HLF: variants seen among roughly 807,000 people sequenced by gnomAD.
The protein encoded by HLF is HLF transcription factor, PAR bZIP family member.
Under a neutral mutation model 22.6 loss-of-function variants are expected in HLF, and 3 were observed. The observed-to-expected ratio is 0.13, with a 90% confidence interval of 0.06 to 0.34. The LOEUF is 0.34. Ranked by LOEUF, HLF falls within the 10% of genes least tolerant of loss-of-function variation. HLF has a pLI of 1.00. For synonymous variants in HLF, 151 were observed against 151.8 expected, an observed-to-expected ratio of 0.99 and a Z score of 0.04; for missense variants, 299 against 389.2, an observed-to-expected ratio of 0.77 and a Z score of 1.95.
intron 2 of HLF, 23 bp downstream of exon 2, chr17:55,268,109 C>CT: frequency 6.8e-7 from 1 of 1,477,908 alleles, no homozygotes; most frequent in Non-Finnish European, 9.1e-7. Flanking sequence ...AAGATTCTCC[C>CT]TTCAGAAAGG....
chr17:55,279,427 C>T (rs1047569388), intron 2 of HLF, among the ~76,000 whole-genome samples: 1 of 152,058 alleles, frequency 6.6e-6, no homozygotes, highest in Non-Finnish European at 1.5e-5. Flanking sequence ...ATATCTTTGT[C>T]TTCTTTATAA....
At position 55,267,794 on chromosome 17, in the gene HLF, G is replaced by A. The variant is rs1228110326; in HGVS notation, c.159G>A (p.Glu53=). Reference sequence around the variant, plus strand: ...ACAAGGAAAAGAAGCTGGATGATGAGAGTAACAGCCCGACGGTCCCCCAGT... The same window carrying A: ...ACAAGGAAAAGAAGCTGGATGATGAAAGTAACAGCCCGACGGTCCCCCAGT... The part of the protein sequence containing the change: ...DKDKEKKLDD[E]SNSPTVPQSA... The change falls in exon 2 of 4, where the codon GAG becomes GAA. Residue 53 remains glutamate (E), a synonymous_variant. Coordinates refer to ENST00000226067, the MANE Select transcript of HLF (RefSeq NM_002126.5). 1 of 1,603,966 alleles carries A rather than the reference G, an allele frequency of 6.2e-7. No individual in the cohort carries two copies. The highest frequency in any genetic ancestry group is 1.1e-5 in the South Asian group (1 of 90,852).
At chr17:55,265,982 G>A in intron 1 of HLF, 3 of 396,782 alleles carry the variant, frequency 7.6e-6, no homozygotes, top group Non-Finnish European at 1.1e-5. Flanking sequence ...GAAACCCTGG[G>A]GCCTGGTTCT....
Position 55,268,031 on chromosome 17 carries a change from A to T in HLF, c.396A>T (p.Ala132=), listed in dbSNP as rs780550360. The T allele has an allele frequency of 1.9e-6, 3 of 1,605,808 alleles. No homozygotes were observed. The South Asian group carries it at 3.3e-5, about 18-fold the overall frequency. The change falls in exon 2 of 4, where the codon GCA becomes GCT. Residue 132 remains alanine (A), a synonymous_variant. Transcript: ENST00000226067. ...SVMDLSSRAS[A]PLHPGIPSPN... ...TGGACCTCAGCAGCCGGGCCTCTGCACCCCTTCACCCTGGCATCCCATCTC... is the reference window on the plus strand; with the variant it reads ...TGGACCTCAGCAGCCGGGCCTCTGCTCCCCTTCACCCTGGCATCCCATCTC...
At chr17:55,300,977 C>T (rs1338988484) in intron 2 of HLF, among the ~76,000 whole-genome samples, 2 of 152,238 alleles carry the variant, frequency 1.3e-5, no homozygotes, top group African/African-American at 2.4e-5. Context: ...CTCAGTTCCC[C>T]GACTGGCCCA....
At chr17:55,312,689 G>C (rs373737059) in intron 2 of HLF, among the ~76,000 whole-genome samples, 6 of 152,182 alleles carry the variant, frequency 3.9e-5, no homozygotes, top group African/African-American at 1.4e-4. Flanking sequence ...ATCACCTCTG[G>C]AAAGACAGTG....
chr17:55,324,332 G>A lies in HLF; in HGVS notation c.*3453G>A, dbSNP rs1347283142. 1 of 228,958 alleles carries A rather than the reference G, an allele frequency of 4.4e-6. No homozygotes were observed. The highest frequency in any genetic ancestry group is 2.2e-5 in the African/African-American group (1 of 45,078). The allele number at this position is 228,958 out of a possible 1,614,324, so 14.2% of individuals were successfully genotyped here. On this transcript the variant is annotated 3_prime_UTR_variant, in exon 4 of 4. Transcript: ENST00000226067. The stretch of plus-strand genomic sequence containing the variant: ...TCCAAATGTACAATCAGATGTCTAG[G>A]GTCTGTTTTCGGAAGAAGCAAGAAT...
intron 2 of HLF, chr17:55,271,484 A>G (rs2080857406): frequency 6.6e-6 from 1 of 152,184 alleles, no homozygotes; most frequent in Non-Finnish European, 1.5e-5. Flanking sequence ...ATGTCTTGGA[A>G]TGACAAGGTG....
At chr17:55,285,290 A>G (rs181932544) in intron 2 of HLF, among the ~76,000 whole-genome samples, 1 of 152,228 alleles carries the variant, frequency 6.6e-6, no homozygotes, top group Admixed American at 6.5e-5. Flanking sequence ...GGTATATCCA[A>G]AGTCTTGAGA....
At chr17:55,291,995 T>C (rs1487171569) in intron 2 of HLF, among the ~76,000 whole-genome samples, 1 of 152,202 alleles carries the variant, frequency 6.6e-6, no homozygotes, top group Non-Finnish European at 1.5e-5. Context: ...TGTGACTGAA[T>C]TGCTGCAATC....
At chr17:55,308,869 G>A (rs781569965) in intron 2 of HLF, among the ~76,000 whole-genome samples, 6 of 152,136 alleles carry the variant, frequency 3.9e-5, no homozygotes, top group Admixed American at 6.6e-5. Context: ...GATCTTGGCC[G>A]GACTCACATA....
At chr17:55,265,642 C>A in intron 1 of HLF, 43 bp downstream of exon 1, 1 of 1,391,868 alleles carries the variant, frequency 7.2e-7, no homozygotes, top group Non-Finnish European at 9.9e-7. Context: ...GACGACGCTC[C>A]GGGGGTCCCC....
intron 2 of HLF, among the ~76,000 whole-genome samples, chr17:55,283,221 G>A (rs2145317994): frequency 6.6e-6 from 1 of 152,278 alleles, no homozygotes; most frequent in Non-Finnish European, 1.5e-5. Context: ...GGCCAGAGGG[G>A]GCCTTTGGCT....
chr17:55,324,109 A>G lies in HLF; in HGVS notation c.*3230A>G, dbSNP rs933508335. 11 of 227,008 alleles carry G rather than the reference A, an allele frequency of 4.8e-5. No individual in the cohort carries two copies. The highest frequency in any genetic ancestry group is 4.0e-4 in the Admixed American group (7 of 17,546). 14.1% of individuals were successfully genotyped at this position (227,008 alleles called of 1,614,324 possible). The stretch of plus-strand genomic sequence containing the variant: ...AGTGGCCACTTTGAACCATTCAAAT[A>G]CCACATTAGGCAAGACTGTGATAGG... On this transcript the variant is annotated 3_prime_UTR_variant, in exon 4 of 4. Transcript: ENST00000226067.
chr17:55,304,342 A>G (rs544347416), intron 2 of HLF, among the ~76,000 whole-genome samples: 3 of 152,246 alleles, frequency 2.0e-5, no homozygotes, highest in Admixed American at 1.3e-4. Context: ...TGTCATAACC[A>G]TCACAGGGGG....
chr17:55,277,556 A>ATG (rs139383733), intron 2 of HLF, among the ~76,000 whole-genome samples: 17 of 131,526 alleles, frequency 1.3e-4, no homozygotes, highest in East Asian at 4.8e-4. Flanking sequence ...TAGATATGGG[A>ATG]TGTGTGTGTG....
intron 2 of HLF, among the ~76,000 whole-genome samples, chr17:55,303,134 A>G (rs901445875): frequency 6.6e-6 from 1 of 152,178 alleles, no homozygotes; most frequent in Non-Finnish European, 1.5e-5. Context: ...ACACCATAGC[A>G]GGGATATGAG....
intron 2 of HLF, among the ~76,000 whole-genome samples, chr17:55,282,690 G>C (rs2080964886): frequency 6.6e-6 from 1 of 152,112 alleles, no homozygotes; most frequent in African/African-American, 2.4e-5. Flanking sequence ...ATAAAATGTA[G>C]GTGCTGTTTC....
chr17:55,288,444 G>A (rs565439385), intron 2 of HLF, among the ~76,000 whole-genome samples: 10 of 152,196 alleles, frequency 6.6e-5, no homozygotes, highest in African/African-American at 2.2e-4. Context: ...CACCACGCCC[G>A]GCCAGTTTCA....
Sources: gnomAD v4.1 joint callset for allele counts (sites outside exome capture counted in the v4.1 genomes callset) on GRCh38, gnomAD v4.1.1 for gene constraint, MANE v1.5 for transcripts, NCBI Gene and HGNC (gene_info 2026-07-23, HGNC 2026-07-21) for gene names.